STPG2: variants seen among roughly 807,000 people sequenced by gnomAD.
The protein encoded by STPG2 is sperm tail PG-rich repeat containing 2.
Under a neutral mutation model 54.2 loss-of-function variants are expected in STPG2, and 56 were observed. The ratio of observed to expected loss-of-function variants is 1.03; its 90% CI spans 0.83 to 1.29. STPG2 has a LOEUF of 1.29. STPG2 is among the 50% of genes most tolerant of loss of function. The pLI is 0.00. For synonymous variants in STPG2, 200 were observed against 181.8 expected, an observed-to-expected ratio of 1.10 and a Z score of -0.81; for missense variants, 596 against 544.9, an observed-to-expected ratio of 1.09 and a Z score of -0.93.
At chr4:97,931,686 TG>T (rs1322076471) in intron 8 of STPG2, among the ~76,000 whole-genome samples, 2 of 152,090 alleles carry the variant, frequency 1.3e-5, no homozygotes, top group Non-Finnish European at 2.9e-5. Flanking sequence ...TGTTGTTTGT[TG>T]TTTTTTTATC....
intron 4 of STPG2, among the ~76,000 whole-genome samples, chr4:97,522,171 T>C (rs1197204808): frequency 6.6e-6 from 1 of 152,066 alleles, no homozygotes. Context: ...TAATTGAATA[T>C]TTATACAAAT....
At chr4:97,799,822 G>C (rs1365923787) in intron 9 of STPG2, among the ~76,000 whole-genome samples, 2 of 152,106 alleles carry the variant, frequency 1.3e-5, no homozygotes, top group African/African-American at 4.8e-5. Context: ...AGGTACACCA[G>C]TCAGACATAG....
At chr4:97,727,747 C>A (rs1237224592) in intron 9 of STPG2, among the ~76,000 whole-genome samples, 1 of 150,302 alleles carries the variant, frequency 6.7e-6, no homozygotes. Flanking sequence ...AATTTTCTTA[C>A]AAAACTAGTG....
At chr4:97,473,866 C>T (rs982457552) in intron 4 of STPG2, among the ~76,000 whole-genome samples, 1 of 152,108 alleles carries the variant, frequency 6.6e-6, no homozygotes, top group Non-Finnish European at 1.5e-5. Flanking sequence ...AGAAAAGAAC[C>T]TACATGAAAT....
intron 8 of STPG2, among the ~76,000 whole-genome samples, chr4:97,884,146 G>A (rs1199944416): frequency 6.6e-6 from 1 of 152,006 alleles, no homozygotes; most frequent in Non-Finnish European, 1.5e-5. Context: ...GAAAGGAAGG[G>A]AGAATTGCTT....
intron 5 of STPG2, among the ~76,000 whole-genome samples, chr4:98,056,034 T>C (rs1053825332): frequency 6.6e-6 from 1 of 152,060 alleles, no homozygotes; most frequent in Non-Finnish European, 1.5e-5. Flanking sequence ...CCCACGTCAC[T>C]TTGCTGGTAT....
At chr4:97,675,469 A>G (rs906212574) in intron 10 of STPG2, among the ~76,000 whole-genome samples, 2 of 152,152 alleles carry the variant, frequency 1.3e-5, no homozygotes, top group Non-Finnish European at 2.9e-5. Context: ...AAAGAAAAGA[A>G]AAAAACTCTG....
chr4:97,547,174 A>C (rs186019924), intron 4 of STPG2, among the ~76,000 whole-genome samples: 1 of 152,274 alleles, frequency 6.6e-6, no homozygotes, highest in Non-Finnish European at 1.5e-5. Flanking sequence ...ATCATGCCAT[A>C]ATAAGGAGTT....
At position 97,742,545 on chromosome 4, in the gene STPG2, G is replaced by A. The variant is rs1201832452; in HGVS notation, c.1205-29731C>T. ...TGTGTGTGTGTGTGTGTGTGTGTGT[G>A]TGTGTGTGTGTGTGTGTGTGTCTAT... On this transcript the variant is annotated intron_variant, in intron 9 of 10. Transcript: ENST00000295268. Among the ~76,000 whole-genome samples the A allele has an allele frequency of 1.3e-3, 186 of 143,030 alleles. 1 individual carries two copies. Among genetic ancestry groups the A allele is most frequent in the African/African-American group, 4.4e-3 (171 of 39,030 alleles). The allele number at this position is 143,030 out of a possible 152,430, so 93.8% of individuals were successfully genotyped here. A position where few individuals can be genotyped will look rare whatever the true frequency, so the allele number is the denominator to read the frequency against.
chr4:97,546,307 A>G (rs1731832025), intron 4 of STPG2, among the ~76,000 whole-genome samples: 2 of 152,010 alleles, frequency 1.3e-5, no homozygotes, highest in Admixed American at 6.6e-5. Flanking sequence ...ATTTTCTAAT[A>G]ATAGAAAAAA....
chr4:98,075,055 G>T (rs369571826), intron 5 of STPG2, among the ~76,000 whole-genome samples: 1 of 152,154 alleles, frequency 6.6e-6, no homozygotes, highest in Non-Finnish European at 1.5e-5. Context: ...GAGAAATTTT[G>T]ACACTGAGTT....
At chr4:97,801,508 T>C (rs1360426214) in intron 9 of STPG2, among the ~76,000 whole-genome samples, 1 of 152,184 alleles carries the variant, frequency 6.6e-6, no homozygotes, top group African/African-American at 2.4e-5. Flanking sequence ...AACGATTTCT[T>C]TTGCCAGTAA....
At chr4:97,920,181 C>T (rs912369594) in intron 8 of STPG2, among the ~76,000 whole-genome samples, 12 of 152,164 alleles carry the variant, frequency 7.9e-5, no homozygotes, top group Admixed American at 6.5e-4. Context: ...TTGTATCAGA[C>T]ATCAATCTAG....
intron 9 of STPG2, among the ~76,000 whole-genome samples, chr4:97,762,258 T>C (rs1424161966): frequency 6.6e-6 from 1 of 152,200 alleles, no homozygotes; most frequent in Non-Finnish European, 1.5e-5. Flanking sequence ...CATCTTTTTG[T>C]TCTGTCAGAT....
intron 5 of STPG2, among the ~76,000 whole-genome samples, chr4:97,983,017 G>T (rs1216331243): frequency 6.6e-6 from 1 of 152,040 alleles, no homozygotes; most frequent in Non-Finnish European, 1.5e-5. Flanking sequence ...TATTTCATTA[G>T]CTATCTACTT....
intron 9 of STPG2, among the ~76,000 whole-genome samples, chr4:97,784,106 G>A (rs537825823): frequency 1.3e-5 from 2 of 148,690 alleles, no homozygotes; most frequent in African/African-American, 2.5e-5. Context: ...AAATCAGAAA[G>A]TATCTGGAAC....
chr4:97,895,298 A>G (rs948593960), intron 8 of STPG2, among the ~76,000 whole-genome samples: 2 of 151,930 alleles, frequency 1.3e-5, no homozygotes, highest in African/African-American at 4.8e-5. Context: ...ATCTCTGTCT[A>G]TAACGTAAAG....
In STPG2 at chr4:97,981,153, G is replaced by A. The variant is rs748816795; in HGVS notation, c.772+6C>T. 3.7e-6 allele frequency: 6 copies of A among 1,612,686 alleles called. No individual in the cohort carries two copies. The East Asian group carries it at 1.1e-4, about 30-fold the overall frequency. On this transcript the variant is annotated splice_donor_region_variant and intron_variant, in intron 6 of 10. Transcript: ENST00000295268. ...AAGAGTAGACATATATAGATAAATT[G>A]CTAACCTGGCATTTCCTCTGTCCTG...
chr4:97,673,738 CAT>C (rs1010287770), intron 10 of STPG2, among the ~76,000 whole-genome samples: 2 of 151,500 alleles, frequency 1.3e-5, no homozygotes, highest in South Asian at 2.1e-4. Context: ...AATTCAGAAA[CAT>C]ATGTGATTTT....
Sources: gnomAD v4.1 joint callset for allele counts (sites outside exome capture counted in the v4.1 genomes callset) on GRCh38, gnomAD v4.1.1 for gene constraint, MANE v1.5 for transcripts, NCBI Gene and HGNC (gene_info 2026-07-23, HGNC 2026-07-21) for gene names.